Variants in SLC9A4 observed in about 807,000 individuals in gnomAD.
SLC9A4 encodes sodium/hydrogen exchanger 4.
A neutral mutation model predicts 67.4 loss-of-function variants in SLC9A4; 63 were observed. That is an observed-to-expected ratio of 0.93 (90% CI 0.76 to 1.15). The LOEUF (loss-of-function observed/expected upper bound fraction) is 1.15, where lower values mean the gene tolerates loss of function less well. SLC9A4 is among the 50% of genes most tolerant of loss of function. The pLI, the probability that SLC9A4 is intolerant of heterozygous loss-of-function variation, is 0.00. For missense variants in SLC9A4, 1,089 were observed against 987.7 expected (o/e 1.10, Z -1.38); for synonymous variants, 393 against 367.2 (o/e 1.07, Z -0.80).
intron 2 of SLC9A4, among the ~76,000 whole-genome samples, chr2:102,484,850 C>T (rs1684552246): frequency 6.6e-6 from 1 of 152,186 alleles, no homozygotes; most frequent in South Asian, 2.1e-4. Context: ...CTGCTCTTGA[C>T]TGCCACCCGG....
At chr2:102,497,991 T>C (rs1558664313) in intron 2 of SLC9A4, among the ~76,000 whole-genome samples, 2 of 152,200 alleles carry the variant, frequency 1.3e-5, no homozygotes, top group Non-Finnish European at 2.9e-5. Flanking sequence ...ATAATTATTA[T>C]AATGTTGGAA....
At chr2:102,508,399 C>G (rs1685092259) in intron 5 of SLC9A4, 118 bp downstream of exon 5, 23 of 970,338 alleles carry the variant, frequency 2.4e-5, no homozygotes, top group Non-Finnish European at 3.4e-5. Flanking sequence ...AATACCCAAA[C>G]TAAATTTCCG....
chr2:102,516,192 G>A (rs113744799), intron 8 of SLC9A4, among the ~76,000 whole-genome samples: 6,410 of 152,112 alleles, frequency 0.042, 465 homozygotes, highest in African/African-American at 0.15. Flanking sequence ...GGGGCCTGCC[G>A]GTTAAGTCAA....
chr2:102,532,569 T>A lies in SLC9A4; in HGVS notation c.2278T>A (p.Ser760Thr), dbSNP rs779668352. ...TCATGCAGTGGATGAGGAGGGTGAG[T>A]CTGGAGGGGAGAGTGAGGGCAAGGC... is the stretch of plus-strand genomic sequence containing the variant. The part of the protein sequence containing the change: ...LFHAVDEEGE[S>T]GGESEGKASL... Residue 760 changes from serine (S) to threonine (T), a missense_variant, in exon 12 of 12, where the codon TCT becomes ACT. Physicochemically the swap from Ser to Thr is moderately conservative, Grantham distance 58 (BLOSUM62 1). Transcript: ENST00000295269. 12 of 1,613,574 alleles carry A rather than the reference T, an allele frequency of 7.4e-6. No homozygotes were observed. Among genetic ancestry groups the A allele is most frequent in the Middle Eastern group, 1.6e-4 (1 of 6,062 alleles).
intron 2 of SLC9A4, among the ~76,000 whole-genome samples, chr2:102,483,833 T>TAC (rs1477793646): frequency 4.1e-4 from 28 of 69,112 alleles, no homozygotes; most frequent in South Asian, 2.8e-3. Context: ...TATATATATA[T>TAC]ATATATATAC....
At position 102,525,025 on chromosome 2, in the gene SLC9A4, C is replaced by A. The variant is rs202095842; in HGVS notation, c.1820C>A (p.Thr607Asn). ...TSNMYQVRQR[T>N]LSYNKYNLKP... ...TTTGACATTCCATTTTCTCTGCAGA[C>A]CCTGTCCTACAACAAATACAACCTC... The change falls in exon 10 of 12, where the codon ACC (threonine) becomes AAC (asparagine). Residue 607 changes from threonine (T) to asparagine (N), a missense_variant and splice_region_variant. By Grantham distance (65) the Thr-to-Asn change is moderately conservative. Transcript: ENST00000295269. 2.5e-6 allele frequency: 4 copies of A among 1,613,794 alleles called. No homozygotes were observed. The highest frequency in any genetic ancestry group is 3.4e-6 in the Non-Finnish European group (4 of 1,179,902).
At position 102,512,278 on chromosome 2, in the gene SLC9A4, G is replaced by A; in HGVS notation, c.1559+5G>A. 6.2e-7 allele frequency: 1 copy of A among 1,613,672 alleles called. No homozygotes were observed. The highest frequency in any genetic ancestry group is 8.5e-7 in the Non-Finnish European group (1 of 1,179,752). ...TCACTACCAAGTGAGAGACAAGTAA[G>A]GAGGCTGAGGGTTTCACTCCCTGAC... On this transcript the variant is annotated splice_donor_5th_base_variant and intron_variant, in intron 7 of 11. Coordinates refer to ENST00000295269, the MANE Select transcript of SLC9A4 (RefSeq NM_001011552.4).
chr2:102,484,278 C>G (rs1684538229), intron 2 of SLC9A4, among the ~76,000 whole-genome samples: 1 of 152,038 alleles, frequency 6.6e-6, no homozygotes, highest in Non-Finnish European at 1.5e-5. Flanking sequence ...TTTTCCTTAC[C>G]TTTTGAATTT....
chr2:102,498,997 G>A lies in SLC9A4; in HGVS notation c.721-4451G>A, dbSNP rs137867296. ...AGGGGGATGGGAGAGCCCTCAGGTC[G>A]CAGTGCAGAGTGATTCCAGGGGAAG... On this transcript the variant is annotated intron_variant, in intron 2 of 11. Coordinates refer to ENST00000295269, the MANE Select transcript of SLC9A4 (RefSeq NM_001011552.4). Among the ~76,000 whole-genome samples, 5 of 152,334 alleles carry A rather than the reference G, an allele frequency of 3.3e-5. No homozygotes were observed. The South Asian group carries it at 8.3e-4, about 25-fold the overall frequency.
intron 1 of SLC9A4, among the ~76,000 whole-genome samples, chr2:102,476,162 A>AAACAAAGATAATGTAT (rs1166910362): frequency 6.6e-6 from 1 of 152,220 alleles, no homozygotes; most frequent in South Asian, 2.1e-4. Flanking sequence ...TGCACTTATA[A>AAACAAAGATAATGTAT]AACAAAGATA....
chr2:102,505,142 T>C, intron 3 of SLC9A4, 112 bp from the exon 4 acceptor site: 1 of 917,724 alleles, frequency 1.1e-6, no homozygotes, highest in Non-Finnish European at 1.7e-6. Context: ...ATAAGGGAGA[T>C]ATTCCTGCAT....
Position 102,532,607 on chromosome 2 carries a change from G to A in SLC9A4, c.2316G>A (p.Glu772=), listed in dbSNP as rs1674801635. The A allele has an allele frequency of 3.1e-6, 5 of 1,614,054 alleles. No individual in the cohort carries two copies. The highest frequency in any genetic ancestry group is 3.4e-6 in the Non-Finnish European group (4 of 1,179,976). The change falls in exon 12 of 12, where the codon GAG becomes GAA. Residue 772 remains glutamate (E), a synonymous_variant. Coordinates refer to ENST00000295269, the MANE Select transcript of SLC9A4 (RefSeq NM_001011552.4). ...GTGAGGGCAAGGCCTCTTTGGTTGA[G>A]GTTCGGTCGAGGTGGACAGCTGACC... The part of the protein sequence containing the change: ...GESEGKASLV[E]VRSRWTADHG...
At chr2:102,521,062 A>G (rs1353185148) in intron 9 of SLC9A4, among the ~76,000 whole-genome samples, 1 of 152,186 alleles carries the variant, frequency 6.6e-6, no homozygotes, top group East Asian at 1.9e-4. Flanking sequence ...TTTCAGTAAG[A>G]CTATCACATC....
intron 3 of SLC9A4, 66 bp downstream of exon 3, chr2:102,503,773 G>A (rs2075188): frequency 0.7 from 1,090,437 of 1,566,634 alleles, 385,153 homozygotes; most frequent in Middle Eastern, 0.78. Flanking sequence ...CATCACATGA[G>A]CCAGGCATCT....
intron 2 of SLC9A4, among the ~76,000 whole-genome samples, chr2:102,490,512 G>A (rs1379516067): frequency 1.3e-5 from 2 of 152,080 alleles, no homozygotes; most frequent in Non-Finnish European, 2.9e-5. Context: ...TTGGATTAAG[G>A]CCCCACCCTT....
intron 11 of SLC9A4, among the ~76,000 whole-genome samples, chr2:102,530,617 T>C (rs1674756659): frequency 6.6e-6 from 1 of 152,110 alleles, no homozygotes; most frequent in Non-Finnish European, 1.5e-5. Context: ...GATGGAGCAC[T>C]CAACAGGAAA....
At chr2:102,480,052 T>A (rs1684426208) in intron 2 of SLC9A4, among the ~76,000 whole-genome samples, 1 of 152,238 alleles carries the variant, frequency 6.6e-6, no homozygotes, top group African/African-American at 2.4e-5. Flanking sequence ...TACTTTCATA[T>A]ACTTTTCTTA....
At chr2:102,511,536 A>G (rs1321576293) in intron 6 of SLC9A4, among the ~76,000 whole-genome samples, 1 of 152,004 alleles carries the variant, frequency 6.6e-6, no homozygotes. Flanking sequence ...AGAAGCCAGT[A>G]TAGACTTCAA....
rs1343699521 is a variant in SLC9A4, at chr2:102,525,019, T to G, written c.1819-5T>G. 3 of 1,613,930 alleles carry G rather than the reference T, an allele frequency of 1.9e-6. No individual in the cohort carries two copies. Among genetic ancestry groups the G allele is most frequent in the East Asian group, 4.5e-5 (2 of 44,866 alleles). On this transcript the variant is annotated splice_polypyrimidine_tract_variant and splice_region_variant and intron_variant, in intron 9 of 11. Transcript: ENST00000295269. ...TACGTATTTGACATTCCATTTTCTCTGCAGACCCTGTCCTACAACAAATAC... is the reference window on the plus strand; with the variant it reads ...TACGTATTTGACATTCCATTTTCTCGGCAGACCCTGTCCTACAACAAATAC...
Sources: gnomAD v4.1 joint callset for allele counts (sites outside exome capture counted in the v4.1 genomes callset) on GRCh38, gnomAD v4.1.1 for gene constraint, MANE v1.5 for transcripts, NCBI Gene and HGNC (gene_info 2026-07-23, HGNC 2026-07-21) for gene names.